Variants in CTDP1 observed in about 807,000 individuals in gnomAD.
CTDP1 encodes the protein RNA polymerase II subunit A C-terminal domain phosphatase.
In CTDP1, 47 loss-of-function variants were observed where a neutral mutation model predicts 91.8. The ratio of observed to expected loss-of-function variants is 0.51; its 90% CI spans 0.41 to 0.65. The LOEUF (loss-of-function observed/expected upper bound fraction) is 0.65, where lower values mean the gene tolerates loss of function less well. CTDP1 is among the 30% of genes least tolerant of loss of function. CTDP1 has a pLI of 0.00. For synonymous variants in CTDP1, 656 were observed against 598.5 expected (o/e 1.10, Z -1.40); for missense variants, 1,272 against 1,373.7 (o/e 0.93, Z 1.17).
intron 8 of CTDP1, among the ~76,000 whole-genome samples, chr18:79,716,986 G>A (rs1442506330): frequency 6.6e-6 from 1 of 152,132 alleles, no homozygotes; most frequent in Non-Finnish European, 1.5e-5. Context: ...TGAGGGCCCT[G>A]GTGGGGTGCA....
At chr18:79,732,523 A>G (rs1345738270) in intron 11 of CTDP1, among the ~76,000 whole-genome samples, 8 of 117,250 alleles carry the variant, frequency 6.8e-5, no homozygotes, top group African/African-American at 2.8e-4. Flanking sequence ...CACGTGAGAC[A>G]TGAGAACTCA....
At chr18:79,728,802 G>T in intron 10 of CTDP1, 105 bp from the exon 11 acceptor site, 1 of 1,039,096 alleles carries the variant, frequency 9.6e-7, no homozygotes, top group Non-Finnish European at 1.3e-6. Context: ...CCCTGTTGGG[G>T]TGTGTGAGTG....
intron 1 of CTDP1, among the ~76,000 whole-genome samples, chr18:79,684,036 A>C (rs917950291): frequency 6.6e-6 from 1 of 152,260 alleles, no homozygotes; most frequent in African/African-American, 2.4e-5. Context: ...AAATCTGCTG[A>C]ACTGGAGCTT....
intron 4 of CTDP1, among the ~76,000 whole-genome samples, 198 bp downstream of exon 4, chr18:79,698,186 C>G (rs1413468587): frequency 6.6e-6 from 1 of 152,230 alleles, no homozygotes; most frequent in Non-Finnish European, 1.5e-5. Flanking sequence ...GGGCAGACAT[C>G]CCGACGCCCA....
chr18:79,726,276 C>T (rs937639810), intron 10 of CTDP1, among the ~76,000 whole-genome samples: 2 of 152,126 alleles, frequency 1.3e-5, no homozygotes, highest in South Asian at 2.1e-4. Context: ...GCTAGTCTGT[C>T]CAGGACATTT....
At chr18:79,716,379 A>G (rs766070463) in intron 8 of CTDP1, among the ~76,000 whole-genome samples, 1 of 152,214 alleles carries the variant, frequency 6.6e-6, no homozygotes, top group African/African-American at 2.4e-5. Context: ...TTGGACACGC[A>G]TGTGCTCAGT....
upstream of CTDP1, chr18:79,679,584 A>C (rs1212381202): frequency 2.1e-6 from 1 of 468,666 alleles, no homozygotes; most frequent in Admixed American, 2.3e-5. Flanking sequence ...CAAGACCGTC[A>C]CTGGGACTGG....
intron 1 of CTDP1, chr18:79,683,060 G>A (rs2085407407): frequency 6.6e-6 from 1 of 152,172 alleles, no homozygotes. Context: ...GTTCTCTTCT[G>A]CGGTGTCCCA....
At chr18:79,717,326 G>A (rs531497116) in intron 8 of CTDP1, among the ~76,000 whole-genome samples, 4 of 149,642 alleles carry the variant, frequency 2.7e-5, no homozygotes, top group Non-Finnish European at 5.9e-5. Context: ...GTGCAGCCGG[G>A]TGAGGGCCCT....
Position 79,698,133 on chromosome 18 carries a change from G to A in CTDP1, c.621+145G>A, listed in dbSNP as rs1001626258. ...AGCAGACTTGCTAGTTCTGGGCGTG[G>A]GCCGTGTGTCTGCTGGGCTGTTGGG... is the stretch of plus-strand genomic sequence containing the variant. On this transcript the variant is annotated intron_variant, in intron 4 of 12. Coordinates refer to ENST00000613122, the MANE Select transcript of CTDP1 (RefSeq NM_004715.5). 4 of 1,245,260 alleles carry A rather than the reference G, an allele frequency of 3.2e-6. No homozygotes were observed. In the African/African-American group the frequency reaches 5.9e-5, roughly 18 times the overall value. The allele number at this position is 1,245,260 out of a possible 1,614,324, so 77.1% of individuals were successfully genotyped here. A position where few individuals can be genotyped will look rare whatever the true frequency, so the allele number is the denominator to read the frequency against.
Position 79,680,244 on chromosome 18 carries a change from C to A in CTDP1, c.297C>A (p.Gly99=). 2 of 1,304,674 alleles carry A rather than the reference C, an allele frequency of 1.5e-6. No homozygotes were observed. The highest frequency in any genetic ancestry group is 9.7e-7 in the Non-Finnish European group (1 of 1,031,338). 80.8% of individuals were successfully genotyped at this position (1,304,674 alleles called of 1,614,324 possible). A position where few individuals can be genotyped will look rare whatever the true frequency, so the allele number is the denominator to read the frequency against. Reference sequence around the variant, plus strand: ...TGCGGGAGCTGTGCGCGCAGCCGGGCCAGGTGGTCGCCCCAGGGTGAGTGT... The same window carrying A: ...TGCGGGAGCTGTGCGCGCAGCCGGGACAGGTGGTCGCCCCAGGGTGAGTGT... ...GVVRELCAQP[G]QVVAPGAVLV... Residue 99 remains glycine (G), a synonymous_variant, in exon 1 of 13, where the codon GGC becomes GGA. Transcript: ENST00000613122.
intron 12 of CTDP1, among the ~76,000 whole-genome samples, chr18:79,741,335 A>G (rs534557962): frequency 6.6e-6 from 1 of 152,360 alleles, no homozygotes; most frequent in Non-Finnish European, 1.5e-5. Context: ...ATCATCACTC[A>G]CAAAGGCAAC....
chr18:79,688,003 G>C (rs2085541464), intron 1 of CTDP1, among the ~76,000 whole-genome samples: 1 of 152,250 alleles, frequency 6.6e-6, no homozygotes, highest in African/African-American at 2.4e-5. Flanking sequence ...GATGTGTGCA[G>C]TGTTGGGAAT....
At chr18:79,704,656 T>C in intron 4 of CTDP1, 111 bp from the exon 5 acceptor site, 5 of 1,445,406 alleles carry the variant, frequency 3.5e-6, no homozygotes, top group Non-Finnish European at 4.8e-6. Flanking sequence ...TCAGAACGCT[T>C]GTCTGGGGCA....
At chr18:79,701,456 G>T (rs1182994853) in intron 4 of CTDP1, among the ~76,000 whole-genome samples, 1 of 151,720 alleles carries the variant, frequency 6.6e-6, no homozygotes, top group African/African-American at 2.4e-5. Context: ...CTTGCAGTGA[G>T]CCACGATCGC....
chr18:79,734,248 G>A (rs994057686), intron 11 of CTDP1, among the ~76,000 whole-genome samples: 2 of 152,308 alleles, frequency 1.3e-5, no homozygotes, highest in Non-Finnish European at 2.9e-5. Flanking sequence ...GGGCTCATCT[G>A]GACGTGACCC....
At position 79,681,602 on chromosome 18, in the gene CTDP1, T is replaced by G. The variant is rs181200895; in HGVS notation, c.314+1341T>G. 2.6e-4 allele frequency: 126 copies of G among 481,626 alleles called. 1 individual carries two copies. Among genetic ancestry groups the G allele is most frequent in the Non-Finnish European group, 3.2e-4 (117 of 370,270 alleles). 29.8% of individuals were successfully genotyped at this position (481,626 alleles called of 1,614,324 possible). On this transcript the variant is annotated intron_variant, in intron 1 of 12. Transcript: ENST00000613122. ...GAATAAAACCAACCCAGTGCATCAG[T>G]CAGTCAGCCAGCCAGGTCATGAGCT...
In CTDP1 at chr18:79,741,026, G is replaced by A. The variant is rs548575212; in HGVS notation, c.2747+4505G>A. Reference sequence around the variant, plus strand: ...TGTCCCTGAGTCCCTGAGGTCCCCCGTGCGGTTGATCTGTCCCTGAGTCCC... The same window carrying A: ...TGTCCCTGAGTCCCTGAGGTCCCCCATGCGGTTGATCTGTCCCTGAGTCCC... On this transcript the variant is annotated intron_variant, in intron 12 of 12. Transcript: ENST00000613122. Among the ~76,000 whole-genome samples the A allele has an allele frequency of 2.4e-4, 36 of 147,352 alleles. No individual in the cohort carries two copies. The East Asian group carries it at 5.4e-3, about 22-fold the overall frequency.
In CTDP1 at chr18:79,715,174, C is replaced by G; in HGVS notation, c.1714C>G (p.Leu572Val). ...ELSGVTAGES[L>V]DQSMEEEEEE... ...GTCGGGGGTCACTGCGGGTGAGTCCCTGGACCAGAGCATGGAGGAGGAGGA... is the reference window on the plus strand; with the variant it reads ...GTCGGGGGTCACTGCGGGTGAGTCCGTGGACCAGAGCATGGAGGAGGAGGA... Residue 572 changes from leucine (L) to valine (V), a missense_variant, in exon 8 of 13, where the codon CTG (leucine) becomes GTG (valine). Transcript: ENST00000613122. 6.2e-7 allele frequency: 1 copy of G among 1,613,248 alleles called. No homozygotes were observed. The highest frequency in any genetic ancestry group is 8.5e-7 in the Non-Finnish European group (1 of 1,179,854).
Sources: gnomAD v4.1 joint callset for allele counts (sites outside exome capture counted in the v4.1 genomes callset) on GRCh38, gnomAD v4.1.1 for gene constraint, MANE v1.5 for transcripts, NCBI Gene and HGNC (gene_info 2026-07-23, HGNC 2026-07-21) for gene names.